The following PCDHA9 variants were observed in gnomAD, a reference collection of about 807,000 sequenced individuals.
The protein encoded by PCDHA9 is protocadherin alpha-9.
PCDHA9 carries 62 observed loss-of-function variants against 62.0 expected under a neutral mutation model. The ratio of observed to expected loss-of-function variants is 1.00; its 90% CI spans 0.81 to 1.23. PCDHA9 has a LOEUF of 1.23. Among genes scored for constraint, PCDHA9 ranks in the 50% most tolerant of loss-of-function variants. The pLI, the probability that PCDHA9 is intolerant of heterozygous loss-of-function variation, is 0.00. For synonymous variants in PCDHA9, 557 were observed against 567.6 expected, an observed-to-expected ratio of 0.98 and a Z score of 0.27; for missense variants, 1,205 against 1,249.8, an observed-to-expected ratio of 0.96 and a Z score of 0.54.
rs376867914 is a variant in PCDHA9 at position 140,880,239 on chromosome 5, TGC to T, written c.2394+29352_2394+29353del. Among the ~76,000 whole-genome samples the T allele has an allele frequency of 5.6e-3, 860 of 152,302 alleles. 5 individuals carry two copies. The highest frequency in any genetic ancestry group is 0.014 in the Middle Eastern group (4 of 294). On this transcript the variant is annotated intron_variant, in intron 1 of 3. Transcript: ENST00000532602. ...AGTAGAACATTTAAATTAGTGTATG[TGC>T]GTGTGTGTATGTATACATATTTTAG...
chr5:140,903,840 T>C (rs2070655374), intron 1 of PCDHA9, among the ~76,000 whole-genome samples: 1 of 152,196 alleles, frequency 6.6e-6, no homozygotes, highest in African/African-American at 2.4e-5. Flanking sequence ...GGTATTTTCA[T>C]TTATCTTAAC....
intron 1 of PCDHA9, among the ~76,000 whole-genome samples, chr5:140,933,667 C>A (rs2089323484): frequency 6.6e-6 from 1 of 151,936 alleles, no homozygotes. Flanking sequence ...CTCTCTCTGT[C>A]TCTCTCACAT....
intron 1 of PCDHA9, chr5:140,866,690 A>G (rs1371582983): frequency 1.3e-5 from 2 of 152,178 alleles, no homozygotes; most frequent in Non-Finnish European, 2.9e-5. Flanking sequence ...CTGTTAGAAT[A>G]TCAGTGGATG....
At chr5:140,901,485 C>T (rs894282962) in intron 1 of PCDHA9, among the ~76,000 whole-genome samples, 1 of 152,086 alleles carries the variant, frequency 6.6e-6, no homozygotes, top group African/African-American at 2.4e-5. Context: ...GTTCTTGGCA[C>T]CTTCATCGAA....
At position 140,858,582 on chromosome 5, in the gene PCDHA9, A is replaced by G; in HGVS notation, c.2394+7693A>G. ...ATTTCTAGTGATACCTTTGTAATAT[A>G]ATTTATTCCAGGAGTTTTAAAATTT... On this transcript the variant is annotated intron_variant, in intron 1 of 3. Transcript: ENST00000532602. The G allele has an allele frequency of 1.5e-6, 2 of 1,346,266 alleles. 1 individual carries two copies. Among genetic ancestry groups the G allele is most frequent in the Non-Finnish European group, 2.0e-6 (2 of 983,500 alleles). The allele number at this position is 1,346,266 out of a possible 1,614,324, so 83.4% of individuals were successfully genotyped here. A position where few individuals can be genotyped will look rare whatever the true frequency, so the allele number is the denominator to read the frequency against.
intron 3 of PCDHA9, among the ~76,000 whole-genome samples, chr5:141,005,659 G>T (rs963015988): frequency 1.6e-5 from 2 of 123,890 alleles, no homozygotes; most frequent in South Asian, 2.6e-4. Flanking sequence ...TCGAGATCGC[G>T]CCACTGCACT....
At chr5:140,890,968 T>C (rs559851253) in intron 1 of PCDHA9, among the ~76,000 whole-genome samples, 7 of 152,190 alleles carry the variant, frequency 4.6e-5, no homozygotes, top group African/African-American at 7.2e-5. Flanking sequence ...AGGTTTTGTT[T>C]TTCTGAAAAT....
intron 1 of PCDHA9, among the ~76,000 whole-genome samples, chr5:140,965,085 C>T (rs1439379437): frequency 6.6e-6 from 1 of 152,142 alleles, no homozygotes; most frequent in African/African-American, 2.4e-5. Context: ...TGACTTTGTT[C>T]CAGTCCATAG....
At chr5:140,989,140 C>A (rs2153881117) in intron 3 of PCDHA9, among the ~76,000 whole-genome samples, 1 of 152,290 alleles carries the variant, frequency 6.6e-6, no homozygotes, top group East Asian at 1.9e-4. Context: ...CACTTTATCC[C>A]TTCTTTTGTT....
At chr5:140,914,973 G>A (rs1166162661) in intron 1 of PCDHA9, among the ~76,000 whole-genome samples, 2 of 140,450 alleles carry the variant, frequency 1.4e-5, no homozygotes, top group Non-Finnish European at 3.0e-5. Context: ...CTGAGTCAGA[G>A]TCTTGCTCTG....
At chr5:140,921,965 A>T (rs1459699467) in intron 1 of PCDHA9, among the ~76,000 whole-genome samples, 1 of 152,112 alleles carries the variant, frequency 6.6e-6, no homozygotes. Flanking sequence ...AGAAAACCAA[A>T]GGAAAAAATA....
intron 1 of PCDHA9, chr5:140,875,283 C>G (rs1554167582): frequency 7.3e-7 from 1 of 1,362,346 alleles, no homozygotes; most frequent in Non-Finnish European, 9.6e-7. Context: ...GAAGGTGAAA[C>G]AGGAAAATTT....
intron 1 of PCDHA9, chr5:140,856,192 G>A (rs782508103): frequency 1.9e-6 from 3 of 1,598,180 alleles, no homozygotes; most frequent in Non-Finnish European, 1.7e-6. Context: ...GCCGCATCGC[G>A]CAGGACCTGG....
intron 3 of PCDHA9, among the ~76,000 whole-genome samples, chr5:140,984,674 G>A (rs2097114009): frequency 6.6e-6 from 1 of 152,090 alleles, no homozygotes; most frequent in Non-Finnish European, 1.5e-5. Context: ...AGGTTTTTAG[G>A]ACTCAATATA....
At chr5:140,856,240 G>A in intron 1 of PCDHA9, 1 of 1,598,050 alleles carries the variant, frequency 6.3e-7, no homozygotes, top group Non-Finnish European at 8.6e-7. Flanking sequence ...GCCTGTTCCG[G>A]GTGGCGTCCA....
At chr5:140,895,862 A>T (rs1199310977) in intron 1 of PCDHA9, among the ~76,000 whole-genome samples, 1 of 152,136 alleles carries the variant, frequency 6.6e-6, no homozygotes, top group Non-Finnish European at 1.5e-5. Context: ...CCCAGGCTGG[A>T]GTGCAATGGC....
chr5:140,876,228 T>G (rs1196218506), intron 1 of PCDHA9: 6 of 1,613,958 alleles, frequency 3.7e-6, no homozygotes, highest in Non-Finnish European at 5.1e-6. Flanking sequence ...TAGTGTTGTC[T>G]GAAAATGTCC....
chr5:140,938,944 A>G (rs551824557), intron 1 of PCDHA9, among the ~76,000 whole-genome samples: 2 of 152,236 alleles, frequency 1.3e-5, no homozygotes, highest in South Asian at 2.1e-4. Context: ...TTCCATTCTT[A>G]TAATGCTCTA....
chr5:140,884,961 C>A (rs1454276450), intron 1 of PCDHA9, among the ~76,000 whole-genome samples: 1 of 152,126 alleles, frequency 6.6e-6, no homozygotes, highest in Non-Finnish European at 1.5e-5. Context: ...AAATTCCTCA[C>A]GTTGTGAGAA....
Sources: gnomAD v4.1 joint callset for allele counts (sites outside exome capture counted in the v4.1 genomes callset) on GRCh38, gnomAD v4.1.1 for gene constraint, MANE v1.5 for transcripts, NCBI Gene and HGNC (gene_info 2026-07-23, HGNC 2026-07-21) for gene names.